The following ZNF800 variants were observed in gnomAD, a reference collection of about 807,000 sequenced individuals.
ZNF800 encodes zinc finger protein 800.
Under a neutral mutation model 59.5 loss-of-function variants are expected in ZNF800, and 13 were observed. That is an observed-to-expected ratio of 0.22 (90% CI 0.14 to 0.35). The LOEUF is 0.35. Among genes scored for constraint, ZNF800 ranks in the 10% least tolerant of loss-of-function variants. ZNF800 has a pLI of 1.00. For missense variants in ZNF800, 621 were observed against 783.7 expected, an observed-to-expected ratio of 0.79 and a Z score of 2.48; for synonymous variants, 266 against 265.7, an observed-to-expected ratio of 1.00 and a Z score of -0.01.
chr7:127,346,626 G>A (rs1369697551), downstream of ZNF800, among the ~76,000 whole-genome samples: 6 of 152,212 alleles, frequency 3.9e-5, no homozygotes, highest in Admixed American at 2.0e-4. Flanking sequence ...CTGTCAGTGA[G>A]CAAGGAATCT....
intron 3 of ZNF800, among the ~76,000 whole-genome samples, chr7:127,385,367 C>T (rs1801106242): frequency 6.6e-6 from 1 of 152,180 alleles, no homozygotes; most frequent in African/African-American, 2.4e-5. Flanking sequence ...AGCAACCTAA[C>T]ATCTTACTGA....
At chr7:127,372,997 C>T (rs754908251) in intron 5 of ZNF800, 34 of 984,980 alleles carry the variant, frequency 3.5e-5, no homozygotes, top group Non-Finnish European at 4.0e-5. Context: ...TAAACCTGTG[C>T]AAAGTTAGTT....
chr7:127,379,523 AC>A (rs1353815164), intron 3 of ZNF800, among the ~76,000 whole-genome samples: 5 of 152,198 alleles, frequency 3.3e-5, no homozygotes, highest in Admixed American at 1.3e-4. Context: ...TAAATAGGAT[AC>A]ATGTACATGG....
rs1801380238 is a variant in ZNF800 at position 127,392,680 on chromosome 7, T to C, written c.-679A>G. On this transcript the variant is annotated 5_prime_UTR_variant, in exon 1 of 6. Transcript: ENST00000265827. ...CGCGTAGGAAGGGGGAAGCAGAGAC[T>C]CTCCGGCAGCGACAGGGAGCGACTG... is the stretch of plus-strand genomic sequence containing the variant. 6.5e-6 allele frequency: 1 copy of C among 153,908 alleles called. No individual in the cohort carries two copies. Among genetic ancestry groups the C allele is most frequent in the Admixed American group, 6.5e-5 (1 of 15,328 alleles). The allele number at this position is 153,908 out of a possible 1,614,324, so 9.5% of individuals were successfully genotyped here.
At chr7:127,372,202 G>A (rs1350689284) in intron 5 of ZNF800, among the ~76,000 whole-genome samples, 1 of 151,892 alleles carries the variant, frequency 6.6e-6, no homozygotes, top group African/African-American at 2.4e-5. Flanking sequence ...TTTTTGGCCA[G>A]GCACGGTGGC....
At chr7:127,382,558 C>T (rs748332379) in intron 3 of ZNF800, among the ~76,000 whole-genome samples, 1 of 152,116 alleles carries the variant, frequency 6.6e-6, no homozygotes, top group Non-Finnish European at 1.5e-5. Context: ...GGGTAAGGCA[C>T]AGTCAAGGTA....
chr7:127,386,587 C>T (rs1801144152), intron 2 of ZNF800, among the ~76,000 whole-genome samples: 1 of 152,190 alleles, frequency 6.6e-6, no homozygotes, highest in African/African-American at 2.4e-5. Flanking sequence ...TGGTATAACT[C>T]TGGATATTTA....
chr7:127,391,221 A>C (rs919427770), intron 2 of ZNF800, among the ~76,000 whole-genome samples: 2 of 152,190 alleles, frequency 1.3e-5, no homozygotes, highest in East Asian at 3.9e-4. Flanking sequence ...GAGTATATTA[A>C]CTGCAGGATG....
At position 127,373,705 on chromosome 7, in the gene ZNF800, T is replaced by A; in HGVS notation, c.1631A>T (p.Lys544Met). Residue 544 changes from lysine to methionine, a missense_variant, in exon 5 of 6, where the codon AAG becomes ATG. Lys to Met is a moderately conservative substitution (Grantham distance 95). Transcript: ENST00000265827. ...TATTTTCCCAAGATAACGAGATGAC[T>A]TTTTATGAACCACAGTTATATGTCG... ...VIRHITVVHKKSSRYLGKITA... is the reference protein window; with the variant it reads ...VIRHITVVHKMSSRYLGKITA... 1 of 1,614,202 alleles carries A rather than the reference T, an allele frequency of 6.2e-7. No individual in the cohort carries two copies.
chr7:127,354,892 G>A (rs77341225), intron 1 of ZNF800, among the ~76,000 whole-genome samples: 2,796 of 152,134 alleles, frequency 0.018, 83 homozygotes, highest in African/African-American at 0.063. Flanking sequence ...ATCAGGTGGT[G>A]AAATAAAATA....
intron 2 of ZNF800, among the ~76,000 whole-genome samples, chr7:127,386,506 T>C (rs1801142654): frequency 6.6e-6 from 1 of 152,212 alleles, no homozygotes; most frequent in African/African-American, 2.4e-5. Flanking sequence ...ACCACTATAT[T>C]TAATCAAAAT....
At position 127,373,954 on chromosome 7, in the gene ZNF800, G is replaced by A. The variant is rs1800707226; in HGVS notation, c.1382C>T (p.Thr461Ile). 4 of 1,614,160 alleles carry A rather than the reference G, an allele frequency of 2.5e-6. No homozygotes were observed. The highest frequency in any genetic ancestry group is 3.3e-4 in the Middle Eastern group (2 of 6,062). The change falls in exon 5 of 6, where the codon ACT becomes ATT. Residue 461 changes from threonine (T) to isoleucine (I), a missense_variant. By Grantham distance (89) the Thr-to-Ile change is moderately conservative. Around this residue, in one of 7 missense-constraint regions of ZNF800, gnomAD observed 185 missense variants for 177.6 expected, o/e 1.04. Coordinates refer to ENST00000265827, the MANE Select transcript of ZNF800 (RefSeq NM_176814.5). ...VKQDSESPKS[T>I]SPSAAGGQQK... ...CTGGCCACCTGCAGCCGACGGACTA[G>A]TTGATTTAGGGCTTTCAGAGTCTTG...
In ZNF800 at chr7:127,370,228, T is replaced by C. The variant is rs1291766640; in HGVS notation, c.*1586A>G. The C allele has an allele frequency of 2.6e-5, 4 of 152,242 alleles. No individual in the cohort carries two copies. The highest frequency in any genetic ancestry group is 7.2e-5 in the African/African-American group (3 of 41,464). The allele number at this position is 152,242 out of a possible 1,614,324, so 9.4% of individuals were successfully genotyped here. ...TTAAATTAAAGAGAAATTATTACTCTATTTCTTAGAAATAAAACTATCAGA... is the reference window on the plus strand; with the variant it reads ...TTAAATTAAAGAGAAATTATTACTCCATTTCTTAGAAATAAAACTATCAGA... On this transcript the variant is annotated 3_prime_UTR_variant, in exon 6 of 6. Transcript: ENST00000265827.
At chr7:127,351,577 T>G (rs1464134258) in intron 1 of ZNF800, 2 of 152,256 alleles carry the variant, frequency 1.3e-5, no homozygotes, top group African/African-American at 2.4e-5. Context: ...TTATTTTTGC[T>G]GGGGTGATCA....
Position 127,351,288 on chromosome 7 carries a change from T to A in ZNF800, n.225-3245A>T, listed in dbSNP as rs1800164141. ...CTCTCATCTATTCAAATCCTGTCCATCTCTCAAGACCTAGACCAAAGCCAG... is the reference window on the plus strand; with the variant it reads ...CTCTCATCTATTCAAATCCTGTCCAACTCTCAAGACCTAGACCAAAGCCAG... On this transcript the variant is annotated intron_variant and non_coding_transcript_variant, in intron 1 of 1. Coordinates refer to the ZNF800 transcript ENST00000485577. 2 of 152,346 alleles carry A rather than the reference T, an allele frequency of 1.3e-5. 1 individual carries two copies. Among genetic ancestry groups the A allele is most frequent in the African/African-American group, 4.8e-5 (2 of 41,566 alleles). The allele number at this position is 152,346 out of a possible 1,614,324, so 9.4% of individuals were successfully genotyped here.
Position 127,377,451 on chromosome 7 carries a change from A to C in ZNF800, c.158-122T>G. 4 of 691,272 alleles carry C rather than the reference A, an allele frequency of 5.8e-6. No homozygotes were observed. The highest frequency in any genetic ancestry group is 9.2e-6 in the Non-Finnish European group (4 of 433,020). The allele number at this position is 691,272 out of a possible 1,614,324, so 42.8% of individuals were successfully genotyped here. On this transcript the variant is annotated intron_variant, in intron 3 of 5. Coordinates refer to ENST00000265827, the MANE Select transcript of ZNF800 (RefSeq NM_176814.5). The surrounding 1 kb of genome is among the most constrained non-coding windows in gnomAD (Gnocchi z 4.7). ...TACTCTTTGAAAACAAAATATAGGC[A>C]TTGCCAATTTCCACCACAGTATATT... is the stretch of plus-strand genomic sequence containing the variant.
chr7:127,368,427 T>A (rs1452871256), downstream of ZNF800, among the ~76,000 whole-genome samples: 1 of 152,152 alleles, frequency 6.6e-6, no homozygotes, highest in East Asian at 1.9e-4. Context: ...GCCAATATCC[T>A]GCTGCACATA....
At chr7:127,375,176 G>T in intron 4 of ZNF800, 142 bp from the exon 5 acceptor site, 2 of 672,078 alleles carry the variant, frequency 3.0e-6, no homozygotes, top group Non-Finnish European at 4.4e-6. Flanking sequence ...CTACTTTTCA[G>T]TATTCTACAA....
Position 127,374,077 on chromosome 7 carries a change from G to T in ZNF800, c.1259C>A (p.Pro420His). The T allele has an allele frequency of 6.2e-7, 1 of 1,614,004 alleles. No individual in the cohort carries two copies. The highest frequency in any genetic ancestry group is 2.2e-5 in the East Asian group (1 of 44,878). ...VEPADSVESS[P>H]PSITHSPQNE... ...CTGTGGAGAATGGGTAATGGAAGGGGGTGAAGATTCTACAGAATCTGCTGG... is the reference window on the plus strand; with the variant it reads ...CTGTGGAGAATGGGTAATGGAAGGGTGTGAAGATTCTACAGAATCTGCTGG... The change falls in exon 5 of 6, where the codon CCC (proline) becomes CAC (histidine). Residue 420 changes from proline to histidine, a missense_variant. Physicochemically the swap from Pro to His is moderately conservative, Grantham distance 77 (BLOSUM62 -2). Coordinates refer to ENST00000265827, the MANE Select transcript of ZNF800 (RefSeq NM_176814.5).
Sources: allele counts gnomAD v4.1 joint callset (sites outside exome capture counted in the v4.1 genomes callset), GRCh38; gene constraint gnomAD v4.1.1; regional missense constraint gnomAD v4.1.1; non-coding constraint Gnocchi (gnomAD v3.1); transcripts MANE v1.5; gene names NCBI Gene and HGNC (gene_info 2026-07-23, HGNC 2026-07-21).